Variants in MAD1L1 observed in about 807,000 individuals in gnomAD.
The protein encoded by MAD1L1 is mitotic arrest deficient 1 like 1, also known as mitotic spindle assembly checkpoint protein MAD1.
Under a neutral mutation model 96.9 loss-of-function variants are expected in MAD1L1, and 95 were observed. That is an observed-to-expected ratio of 0.98 (90% CI 0.83 to 1.16). The LOEUF is 1.16. Ranked by LOEUF, MAD1L1 falls within the 50% of genes most tolerant of loss-of-function variation. MAD1L1 has a pLI of 0.00. For synonymous variants in MAD1L1, 473 were observed against 396.6 expected (o/e 1.19, Z -2.29); for missense variants, 1,007 against 954.4 (o/e 1.06, Z -0.73).
intron 11 of MAD1L1, among the ~76,000 whole-genome samples, chr7:2,131,175 C>A (rs1178226153): frequency 1.3e-5 from 2 of 152,202 alleles, no homozygotes; most frequent in Non-Finnish European, 2.9e-5. Context: ...CTTCTTCGGG[C>A]CCCAGAGCGG....
chr7:2,153,834 C>T (rs1255728302), intron 10 of MAD1L1, among the ~76,000 whole-genome samples: 1 of 152,204 alleles, frequency 6.6e-6, no homozygotes, highest in Admixed American at 6.5e-5. Context: ...GGGATGTACA[C>T]ACAGTGGAAT....
intron 12 of MAD1L1, among the ~76,000 whole-genome samples, chr7:2,038,809 G>A (rs979298886): frequency 6.6e-6 from 1 of 151,858 alleles, no homozygotes; most frequent in African/African-American, 2.4e-5. Context: ...CAGCTACTGT[G>A]CCTGATCTAA....
intron 12 of MAD1L1, among the ~76,000 whole-genome samples, chr7:2,065,147 TC>T (rs1220765070): frequency 6.6e-6 from 1 of 152,102 alleles, no homozygotes; most frequent in Non-Finnish European, 1.5e-5. Flanking sequence ...TTCTGAGGGG[TC>T]CCCCCTTGTA....
chr7:1,857,335 C>T (rs774821743), intron 18 of MAD1L1, among the ~76,000 whole-genome samples: 9 of 152,260 alleles, frequency 5.9e-5, no homozygotes, highest in South Asian at 2.1e-4. Flanking sequence ...TTGCTGTGCT[C>T]GGGGGGCGGC....
chr7:1,889,626 C>A (rs779931552), intron 18 of MAD1L1, among the ~76,000 whole-genome samples: 1 of 152,242 alleles, frequency 6.6e-6, no homozygotes, highest in Non-Finnish European at 1.5e-5. Flanking sequence ...AGGCAACAGG[C>A]TCAGCCATGC....
intron 18 of MAD1L1, among the ~76,000 whole-genome samples, chr7:1,895,541 C>T (rs1786812338): frequency 6.6e-6 from 1 of 152,250 alleles, no homozygotes; most frequent in African/African-American, 2.4e-5. Flanking sequence ...GAGCTTCAAG[C>T]ATGAAAACAC....
intron 11 of MAD1L1, among the ~76,000 whole-genome samples, chr7:2,086,402 T>C (rs1236370056): frequency 1.3e-5 from 2 of 152,190 alleles, no homozygotes; most frequent in Non-Finnish European, 1.5e-5. Flanking sequence ...TGACCTTTAA[T>C]TGGAGGCTCC....
rs541671893 is a variant in MAD1L1, at chr7:1,937,196, G to A, written c.1597-299C>T. On this transcript the variant is annotated intron_variant, in intron 16 of 18. Coordinates refer to ENST00000265854, the MANE Select transcript of MAD1L1 (RefSeq NM_001013836.2). ...ATGCGGCCTTTGCTCAGCCAAGTGC[G>A]GTGCTTCCCAGAATTCCACACTCAG... 2.5e-4 allele frequency among the ~76,000 whole-genome samples: 38 copies of A among 152,290 alleles called. 1 individual carries two copies. The highest frequency in any genetic ancestry group is 7.9e-4 in the African/African-American group (33 of 41,550).
intron 14 of MAD1L1, among the ~76,000 whole-genome samples, chr7:1,986,919 A>G (rs2128487088): frequency 6.6e-6 from 1 of 151,400 alleles, no homozygotes; most frequent in African/African-American, 2.4e-5. Context: ...CGACACCCCC[A>G]GCCATGCTGC....
intron 10 of MAD1L1, among the ~76,000 whole-genome samples, chr7:2,186,798 T>C (rs73039293): frequency 0.026 from 3,988 of 151,712 alleles, 95 homozygotes; most frequent in South Asian, 0.073. Context: ...TTTTCTTTTT[T>C]TTTTTTTTTC....
intron 18 of MAD1L1, among the ~76,000 whole-genome samples, chr7:1,835,178 A>G (rs1270029780): frequency 6.6e-6 from 1 of 152,156 alleles, no homozygotes; most frequent in Admixed American, 6.6e-5. Flanking sequence ...AGCCTGAGAA[A>G]GGGTATCTAT....
intron 18 of MAD1L1, among the ~76,000 whole-genome samples, chr7:1,883,536 C>T (rs1204794002): frequency 6.6e-6 from 1 of 152,198 alleles, no homozygotes; most frequent in Non-Finnish European, 1.5e-5. Flanking sequence ...TCCAGTGTCC[C>T]GGAGACCCTC....
intron 18 of MAD1L1, among the ~76,000 whole-genome samples, chr7:1,875,482 T>C (rs1785337432): frequency 6.6e-6 from 1 of 152,108 alleles, no homozygotes; most frequent in Non-Finnish European, 1.5e-5. Context: ...GGGCACACCC[T>C]CCACTGGCTG....
At chr7:2,130,189 C>T (rs774401639) in intron 11 of MAD1L1, among the ~76,000 whole-genome samples, 2 of 152,340 alleles carry the variant, frequency 1.3e-5, no homozygotes, top group African/African-American at 2.4e-5. Context: ...CCTGGCTGGG[C>T]GCAGCCATGG....
At chr7:1,873,772 G>T (rs1785233527) in intron 18 of MAD1L1, among the ~76,000 whole-genome samples, 2 of 151,982 alleles carry the variant, frequency 1.3e-5, no homozygotes, top group African/African-American at 4.8e-5. Context: ...AGCCCAAGCT[G>T]GCCCTGAAGC....
intron 18 of MAD1L1, among the ~76,000 whole-genome samples, chr7:1,854,697 CCT>C (rs1488951255): frequency 2.0e-5 from 3 of 152,306 alleles, no homozygotes; most frequent in South Asian, 2.1e-4. Context: ...GCATCCTGCC[CCT>C]GTCCCCACAG....
At chr7:2,002,148 G>C in intron 13 of MAD1L1, 27 bp from the exon 14 acceptor site, 1 of 1,610,504 alleles carries the variant, frequency 6.2e-7, no homozygotes, top group Non-Finnish European at 8.5e-7. Flanking sequence ...GATTCGGCCT[G>C]AGACTGTGGT....
At chr7:1,955,557 C>A (rs186601346) in intron 16 of MAD1L1, among the ~76,000 whole-genome samples, 2 of 152,242 alleles carry the variant, frequency 1.3e-5, no homozygotes, top group Admixed American at 1.3e-4. Context: ...TCCCAAAGTA[C>A]TGGGATTACA....
At chr7:1,966,987 C>A (rs1215778538) in intron 15 of MAD1L1, among the ~76,000 whole-genome samples, 1 of 152,228 alleles carries the variant, frequency 6.6e-6, no homozygotes, top group Non-Finnish European at 1.5e-5. Context: ...ATACCTGGAG[C>A]ATCGACAATG....
Sources: allele counts gnomAD v4.1 joint callset (sites outside exome capture counted in the v4.1 genomes callset), GRCh38; gene constraint gnomAD v4.1.1; transcripts MANE v1.5; gene names NCBI Gene and HGNC (gene_info 2026-07-23, HGNC 2026-07-21).